Variants in HNRNPC observed in about 807,000 individuals in gnomAD.
HNRNPC encodes the protein heterogeneous nuclear ribonucleoproteins C1/C2.
Under a neutral mutation model 33.2 loss-of-function variants are expected in HNRNPC, and 3 were observed. The observed-to-expected ratio is 0.09, with a 90% CI of 0.04 to 0.23. HNRNPC has a LOEUF of 0.23. Ranked by LOEUF, HNRNPC falls within the 10% of genes least tolerant of loss-of-function variation. The pLI is 1.00. For missense variants in HNRNPC, 143 were observed against 366.7 expected (o/e 0.39, Z 4.98); for synonymous variants, 121 against 126.7 (o/e 0.96, Z 0.30).
intron 5 of HNRNPC, among the ~76,000 whole-genome samples, chr14:21,221,288 T>C (rs1284420312): frequency 6.6e-6 from 1 of 152,212 alleles, no homozygotes; most frequent in Non-Finnish European, 1.5e-5. Context: ...GCTTTAGTCA[T>C]TACATTTCTT....
chr14:21,234,108 T>C lies in HNRNPC; in HGVS notation c.86A>G (p.Lys29Arg), dbSNP rs201225619. ...FIGNLNTLVV[K>R]KSDVEAIFSK... ...AAAGATTGCCTCCACATCAGATTTC[T>C]TGACCACAAGAGTGTTGAGATTCCC... Residue 29 changes from lysine (K) to arginine (R), a missense_variant, in exon 3 of 9, where the codon AAG (lysine) becomes AGG (arginine). Lys to Arg is a conservative substitution (Grantham distance 26). Transcript: ENST00000553300. 1 of 1,614,044 alleles carries C rather than the reference T, an allele frequency of 6.2e-7. No individual in the cohort carries two copies. The highest frequency in any genetic ancestry group is 2.2e-5 in the East Asian group (1 of 44,878).
intron 5 of HNRNPC, among the ~76,000 whole-genome samples, chr14:21,215,978 T>C (rs1337984402): frequency 3.4e-5 from 5 of 148,448 alleles, no homozygotes; most frequent in Admixed American, 3.4e-4. Flanking sequence ...ACCAGCTGGA[T>C]GCAGTGGCAC....
chr14:21,212,518 A>T (rs1891726055), intron 6 of HNRNPC, among the ~76,000 whole-genome samples: 1 of 151,910 alleles, frequency 6.6e-6, no homozygotes, highest in Non-Finnish European at 1.5e-5. Context: ...CCACTCAATC[A>T]CAATCTTGTC....
At chr14:21,229,540 CGTACCATA>C (rs1893874999) in intron 5 of HNRNPC, among the ~76,000 whole-genome samples, 1 of 152,140 alleles carries the variant, frequency 6.6e-6, no homozygotes, top group Non-Finnish European at 1.5e-5. Context: ...CTAATGACTA[CGTACCATA>C]TTCTGTGAGG....
At chr14:21,234,337 A>C (rs1751752780) in intron 2 of HNRNPC, 108 bp from the exon 3 acceptor site, 3 of 978,078 alleles carry the variant, frequency 3.1e-6, no homozygotes, top group Admixed American at 2.8e-5. Context: ...CCAGAGTATT[A>C]GGCAACTTAA....
In HNRNPC at chr14:21,210,819, A is replaced by G. The variant is rs1369178491; in HGVS notation, c.*404T>C. ...TACTTCTAACTCAAAGCTGCTTTCA[A>G]GAGCTACTCAACTAAATGAGATTGC... On this transcript the variant is annotated 3_prime_UTR_variant, in exon 9 of 9. Transcript: ENST00000553300. The G allele has an allele frequency of 5.2e-6, 1 of 191,420 alleles. No individual in the cohort carries two copies. The highest frequency in any genetic ancestry group is 1.1e-5 in the Non-Finnish European group (1 of 90,964). 11.9% of individuals were successfully genotyped at this position (191,420 alleles called of 1,614,324 possible).
At chr14:21,240,669 A>C (rs931110274) in intron 2 of HNRNPC, among the ~76,000 whole-genome samples, 5 of 152,210 alleles carry the variant, frequency 3.3e-5, no homozygotes, top group African/African-American at 1.2e-4. Flanking sequence ...CACAGGAGAT[A>C]GGTGCCGTTC....
chr14:21,247,387 G>A (rs543271437), intron 2 of HNRNPC, among the ~76,000 whole-genome samples: 19 of 152,086 alleles, frequency 1.2e-4, no homozygotes, highest in African/African-American at 2.2e-4. Context: ...CATCATTACC[G>A]AATTTTCCTT....
intron 6 of HNRNPC, 49 bp from the exon 7 acceptor site, chr14:21,211,972 T>G: frequency 7.0e-7 from 1 of 1,434,436 alleles, no homozygotes; most frequent in Non-Finnish European, 9.8e-7. Context: ...ACCGAAGATA[T>G]GAGTTAGCAA....
Position 21,210,476 on chromosome 14 carries a change from T to C in HNRNPC, c.*747A>G, listed in dbSNP as rs1162900324. ...AAATATATCTAGTGCATTCTAGAGGTTTTGTGGAGGACGCTGTAAAACAAA... is the reference window on the plus strand; with the variant it reads ...AAATATATCTAGTGCATTCTAGAGGCTTTGTGGAGGACGCTGTAAAACAAA... On this transcript the variant is annotated 3_prime_UTR_variant, in exon 9 of 9. Coordinates refer to ENST00000553300, the MANE Select transcript of HNRNPC (RefSeq NM_004500.4). The C allele has an allele frequency of 2.0e-5, 3 of 152,190 alleles. No homozygotes were observed. Among genetic ancestry groups the C allele is most frequent in the Non-Finnish European group, 4.4e-5 (3 of 67,976 alleles). 9.4% of individuals were successfully genotyped at this position (152,190 alleles called of 1,614,324 possible).
intron 2 of HNRNPC, among the ~76,000 whole-genome samples, chr14:21,261,371 AAT>A (rs1878225228): frequency 6.6e-6 from 1 of 152,224 alleles, no homozygotes; most frequent in African/African-American, 2.4e-5. Flanking sequence ...AAGAAGAAAA[AAT>A]AGCTCTCATA....
chr14:21,211,362 G>GCCCCCC, intron 8 of HNRNPC, 44 bp downstream of exon 8: 1 of 1,602,968 alleles, frequency 6.2e-7, no homozygotes, highest in Non-Finnish European at 8.5e-7. Context: ...GTGTCCCTGA[G>GCCCCCC]CCCCCCTCCA....
rs753851283 is a variant in HNRNPC at position 21,214,477 on chromosome 14, AAG to A, written c.366-1362_366-1361del. Among the ~76,000 whole-genome samples, 8 of 152,312 alleles carry A rather than the reference AAG, an allele frequency of 5.3e-5. No homozygotes were observed. In the East Asian group the frequency reaches 1.3e-3, roughly 26 times the overall value. The stretch of plus-strand genomic sequence containing the variant: ...GGACAGGAACATTTTCCTAAATTAA[AAG>A]AGCAAGGAAAGCTGAGATGGAAAGA... On this transcript the variant is annotated intron_variant, in intron 5 of 8. Transcript: ENST00000553300.
chr14:21,226,310 G>A (rs777887258), intron 5 of HNRNPC, among the ~76,000 whole-genome samples: 12 of 140,694 alleles, frequency 8.5e-5, no homozygotes, highest in Non-Finnish European at 1.7e-4. Flanking sequence ...GAGACAGCAC[G>A]AGACTCGTTT....
intron 5 of HNRNPC, among the ~76,000 whole-genome samples, chr14:21,229,324 T>C (rs1893840034): frequency 1.3e-5 from 2 of 148,944 alleles, no homozygotes; most frequent in Admixed American, 6.7e-5. Flanking sequence ...TGAGCCAAGA[T>C]TGCGCCACTG....
intron 1 of HNRNPC, among the ~76,000 whole-genome samples, chr14:21,266,821 T>C (rs980374105): frequency 1.3e-5 from 2 of 151,898 alleles, no homozygotes; most frequent in Non-Finnish European, 2.9e-5. Context: ...CCGGGTGCGG[T>C]GGCTCACGCC....
chr14:21,211,949 T>C (rs1314201081), intron 6 of HNRNPC, 26 bp from the exon 7 acceptor site: 14 of 1,534,688 alleles, frequency 9.1e-6, no homozygotes, highest in Non-Finnish European at 1.3e-5. Flanking sequence ...AATACTAGAT[T>C]AAAATCAAAT....
intron 2 of HNRNPC, among the ~76,000 whole-genome samples, chr14:21,260,566 C>A (rs1878060513): frequency 6.6e-6 from 1 of 151,750 alleles, no homozygotes; most frequent in African/African-American, 2.4e-5. Flanking sequence ...CACCTGTGAT[C>A]CCAAAACTTC....
chr14:21,236,316 A>G (rs1431250976), intron 2 of HNRNPC: 1 of 152,220 alleles, frequency 6.6e-6, no homozygotes, highest in African/African-American at 2.4e-5. Context: ...TATTTTTAAA[A>G]TACAAAAATC....
Sources: gnomAD v4.1 joint callset for allele counts (sites outside exome capture counted in the v4.1 genomes callset) on GRCh38, gnomAD v4.1.1 for gene constraint, MANE v1.5 for transcripts, NCBI Gene and HGNC (gene_info 2026-07-23, HGNC 2026-07-21) for gene names.